Variants in RALGAPA2 observed in about 807,000 individuals in gnomAD.
RALGAPA2 encodes the protein ral GTPase-activating protein subunit alpha-2.
Under a neutral mutation model 230.4 loss-of-function variants are expected in RALGAPA2, and 139 were observed. That is an observed-to-expected ratio of 0.60 (90% CI 0.53 to 0.69). The LOEUF is 0.69. Among genes scored for constraint, RALGAPA2 ranks in the 30% least tolerant of loss-of-function variants. The probability of loss-of-function intolerance (pLI) is 0.00; values close to 1 mark genes in which losing one functional copy is unlikely to be tolerated. For synonymous variants in RALGAPA2, 847 were observed against 837.8 expected, an observed-to-expected ratio of 1.01 and a Z score of -0.19; for missense variants, 2,163 against 2,276.0, an observed-to-expected ratio of 0.95 and a Z score of 1.01.
chr20:20,704,071 CAT>C (rs1386399308), intron 1 of RALGAPA2, among the ~76,000 whole-genome samples: 1 of 152,196 alleles, frequency 6.6e-6, no homozygotes, highest in Non-Finnish European at 1.5e-5. Flanking sequence ...CCTATCACCA[CAT>C]GAGTAAGAAA....
chr20:20,597,259 T>G (rs1222020993), intron 16 of RALGAPA2, among the ~76,000 whole-genome samples: 1 of 152,214 alleles, frequency 6.6e-6, no homozygotes, highest in Non-Finnish European at 1.5e-5. Context: ...AAATACTTTA[T>G]TAATCATCTC....
chr20:20,455,561 C>T (rs1331826279), intron 37 of RALGAPA2, among the ~76,000 whole-genome samples: 3 of 152,156 alleles, frequency 2.0e-5, no homozygotes, highest in Non-Finnish European at 4.4e-5. Context: ...CAAGGCAGAA[C>T]GGACAAACCA....
At chr20:20,541,082 A>G (rs2063630342) in intron 24 of RALGAPA2, among the ~76,000 whole-genome samples, 1 of 142,784 alleles carries the variant, frequency 7.0e-6, no homozygotes, top group Non-Finnish European at 1.5e-5. Flanking sequence ...TTTTACGTAT[A>G]CAAGAGTTCT....
intron 23 of RALGAPA2, among the ~76,000 whole-genome samples, chr20:20,563,818 CACAG>C (rs1357397431): frequency 9.2e-5 from 14 of 152,200 alleles, no homozygotes; most frequent in East Asian, 3.9e-4. Context: ...ATTTCTCACA[CACAG>C]ACAAACACAC....
intron 37 of RALGAPA2, among the ~76,000 whole-genome samples, chr20:20,436,079 C>G (rs73287228): frequency 0.034 from 5,107 of 152,262 alleles, 279 homozygotes; most frequent in African/African-American, 0.12. Context: ...TAATACCAGA[C>G]AGTAACAGAT....
rs2064455179 is a variant in RALGAPA2 at position 20,567,110 on chromosome 20, T to C, written c.3156+4348A>G. Among the ~76,000 whole-genome samples the C allele has an allele frequency of 3.3e-5, 5 of 152,242 alleles. No homozygotes were observed. In the South Asian group the frequency reaches 1.0e-3, roughly 31 times the overall value. On this transcript the variant is annotated intron_variant, in intron 23 of 39. Coordinates refer to ENST00000202677, the MANE Select transcript of RALGAPA2 (RefSeq NM_020343.4). ...ATTAAGACATTAAATCTGTAAGTCA[T>C]TGTTAAAAAATAGCTCACTTATTTT...
At chr20:20,481,616 T>G (rs1221667675) in intron 36 of RALGAPA2, among the ~76,000 whole-genome samples, 1 of 152,246 alleles carries the variant, frequency 6.6e-6, no homozygotes, top group East Asian at 1.9e-4. Context: ...TACAAAGGTC[T>G]AGAATTCAAA....
chr20:20,557,398 G>A (rs1246223096), intron 23 of RALGAPA2, among the ~76,000 whole-genome samples: 3 of 152,110 alleles, frequency 2.0e-5, no homozygotes, highest in African/African-American at 7.2e-5. Flanking sequence ...AGTCAAATGT[G>A]CACACACAAA....
chr20:20,499,714 GGA>G (rs1188638754), intron 35 of RALGAPA2, among the ~76,000 whole-genome samples: 1 of 152,214 alleles, frequency 6.6e-6, no homozygotes, highest in Non-Finnish European at 1.5e-5. Context: ...TGCTGGGGCA[GGA>G]GAGGGAAAGG....
chr20:20,503,305 C>A, intron 35 of RALGAPA2, 46 bp downstream of exon 35: 3 of 1,426,378 alleles, frequency 2.1e-6, no homozygotes, highest in Non-Finnish European at 2.8e-6. Flanking sequence ...AGAGCCTCAC[C>A]TACAAACCAG....
At chr20:20,393,276 C>G (rs2059635416) in intron 39 of RALGAPA2, 23 bp from the exon 40 acceptor site, 1 of 1,319,322 alleles carries the variant, frequency 7.6e-7, no homozygotes, top group Admixed American at 2.2e-5. Flanking sequence ...CAGAGAACTG[C>G]TAAGTCATGG....
chr20:20,446,334 C>T (rs3762195), intron 37 of RALGAPA2, among the ~76,000 whole-genome samples: 6,522 of 152,248 alleles, frequency 0.043, 210 homozygotes, highest in East Asian at 0.16. Context: ...ATTGGTTAAA[C>T]ACATATGCTG....
At chr20:20,522,921 A>C (rs2063088653) in intron 30 of RALGAPA2, among the ~76,000 whole-genome samples, 1 of 152,226 alleles carries the variant, frequency 6.6e-6, no homozygotes, top group Non-Finnish European at 1.5e-5. Flanking sequence ...ATAAACCACA[A>C]AAACAACAGA....
chr20:20,502,409 C>G (rs1345974677), intron 35 of RALGAPA2, among the ~76,000 whole-genome samples: 2 of 152,224 alleles, frequency 1.3e-5, no homozygotes, highest in African/African-American at 4.8e-5. Flanking sequence ...TGGTCAGAGA[C>G]ATCTTCCCAG....
chr20:20,432,082 G>A (rs1267147164), intron 37 of RALGAPA2, among the ~76,000 whole-genome samples: 5 of 152,174 alleles, frequency 3.3e-5, no homozygotes, highest in East Asian at 1.9e-4. Flanking sequence ...CAGTTGGTGC[G>A]AGAAACAGTA....
At chr20:20,508,379 G>C (rs2062598458) in intron 33 of RALGAPA2, among the ~76,000 whole-genome samples, 1 of 152,308 alleles carries the variant, frequency 6.6e-6, no homozygotes, top group South Asian at 2.1e-4. Context: ...TTCCTCATTA[G>C]AATGCACTGT....
At position 20,512,701 on chromosome 20, in the gene RALGAPA2, T is replaced by A; in HGVS notation, c.4668A>T (p.Gln1556His). ...SLTPCGMNYD[Q>H]EKEIIEVILR... ...AAATGACCTCAATGATTTCCTTCTC[T>A]TGGTCATAGTTCATGCCACATGGGG... The change falls in exon 32 of 40, where the codon CAA (glutamine) becomes CAT (histidine). Residue 1556 changes from glutamine (Q) to histidine (H), a missense_variant. Gln to His is a conservative substitution (Grantham distance 24, BLOSUM62 0). Transcript: ENST00000202677. 6.2e-7 allele frequency: 1 copy of A among 1,614,030 alleles called. No individual in the cohort carries two copies. Among genetic ancestry groups the A allele is most frequent in the Non-Finnish European group, 8.5e-7 (1 of 1,179,886 alleles).
chr20:20,572,114 A>G (rs2064662123), intron 21 of RALGAPA2, among the ~76,000 whole-genome samples, 168 bp from the exon 22 acceptor site: 1 of 152,220 alleles, frequency 6.6e-6, no homozygotes, highest in African/African-American at 2.4e-5. Context: ...TTTGAATTAC[A>G]TGTTTGGCTT....
chr20:20,477,075 T>C (rs367954486), intron 36 of RALGAPA2, among the ~76,000 whole-genome samples: 88 of 152,326 alleles, frequency 5.8e-4, no homozygotes, highest in Non-Finnish European at 8.4e-4. Flanking sequence ...TATTAGTGAT[T>C]GAGATGGGGC....
Sources: allele counts gnomAD v4.1 joint callset (sites outside exome capture counted in the v4.1 genomes callset), GRCh38; gene constraint gnomAD v4.1.1; transcripts MANE v1.5; gene names NCBI Gene and HGNC (gene_info 2026-07-23, HGNC 2026-07-21).